Variants in CDR2 observed in about 807,000 individuals in gnomAD.
The protein encoded by CDR2 is cerebellar degeneration-related protein 2.
In CDR2, 34 loss-of-function variants were observed where a neutral mutation model predicts 48.4. That is an observed-to-expected ratio of 0.70 (90% CI 0.53 to 0.94). CDR2 has a LOEUF of 0.94. CDR2 is among the 40% of genes least tolerant of loss of function. The pLI, the probability that CDR2 is intolerant of heterozygous loss-of-function variation, is 0.00. For synonymous variants in CDR2, 240 were observed against 219.7 expected (o/e 1.09, Z -0.82); for missense variants, 498 against 549.5 (o/e 0.91, Z 0.94).
At chr16:22,348,783 G>A (rs1385773705) in intron 4 of CDR2, among the ~76,000 whole-genome samples, 1 of 152,152 alleles carries the variant, frequency 6.6e-6, no homozygotes, top group Non-Finnish European at 1.5e-5. Context: ...TTGCTTATCT[G>A]CCGTTCCGTT....
chr16:22,350,842 C>T (rs1402880297), intron 2 of CDR2, among the ~76,000 whole-genome samples: 1 of 152,076 alleles, frequency 6.6e-6, no homozygotes, highest in Non-Finnish European at 1.5e-5. Context: ...TAAGCAAAAA[C>T]ATCATGTTTA....
rs1237556804 is a variant in CDR2 at position 22,346,403 on chromosome 16, TC to T, written c.*561del. 6.5e-6 allele frequency: 1 copy of T among 153,880 alleles called. No individual in the cohort carries two copies. Among genetic ancestry groups the T allele is most frequent in the Non-Finnish European group, 1.5e-5 (1 of 68,956 alleles). The allele number at this position is 153,880 out of a possible 1,614,324, so 9.5% of individuals were successfully genotyped here. ...TGGATATATTAGGATTACCTGTCAG[TC>T]ACAGTTCAACTAGTTCAGATATAAC... On this transcript the variant is annotated 3_prime_UTR_variant, in exon 5 of 5. Coordinates refer to ENST00000268383, the MANE Select transcript of CDR2 (RefSeq NM_001802.2).
At chr16:22,352,578 C>G (rs2048949719) in intron 2 of CDR2, among the ~76,000 whole-genome samples, 1 of 152,084 alleles carries the variant, frequency 6.6e-6, no homozygotes. Flanking sequence ...ACCCTGTAAT[C>G]AAGCATTAAT....
In CDR2 at chr16:22,366,617, A is replaced by G. The variant is rs1445546260; in HGVS notation, c.80-1603T>C. The stretch of plus-strand genomic sequence containing the variant: ...GACTGAGTCATTAAGGAGGCTGAGG[A>G]GGGTGGAGCAGAATGTATTGGGCAG... On this transcript the variant is annotated intron_variant, in intron 1 of 4. Transcript: ENST00000268383. 1.3e-5 allele frequency among the ~76,000 whole-genome samples: 2 copies of G among 151,260 alleles called. 1 individual carries two copies.
intron 1 of CDR2, among the ~76,000 whole-genome samples, chr16:22,370,385 C>A (rs1279536054): frequency 1.3e-5 from 2 of 152,132 alleles, no homozygotes; most frequent in Non-Finnish European, 2.9e-5. Context: ...ACTCATCCTG[C>A]AATTTTAGGA....
At position 22,347,190 on chromosome 16, in the gene CDR2, C is replaced by G. The variant is rs778440024; in HGVS notation, c.1140G>C (p.Gln380His). ...GGTCCTTGGCTGCAGCCCTGGAGGTCTGCACAGCCTTGTGTGACAGGGAGT... is the reference window on the plus strand; with the variant it reads ...GGTCCTTGGCTGCAGCCCTGGAGGTGTGCACAGCCTTGTGTGACAGGGAGT... ...EQDSLSHKAV[Q>H]TSRAAAKDLT... is the part of the protein sequence containing the mutation. The change falls in exon 5 of 5, where the codon CAG becomes CAC. Residue 380 changes from glutamine to histidine, a missense_variant. Physicochemically the swap from Gln to His is conservative, Grantham distance 24. Coordinates refer to ENST00000268383, the MANE Select transcript of CDR2 (RefSeq NM_001802.2). 2 of 1,614,244 alleles carry G rather than the reference C, an allele frequency of 1.2e-6. No individual in the cohort carries two copies. The highest frequency in any genetic ancestry group is 1.7e-6 in the Non-Finnish European group (2 of 1,180,046).
At chr16:22,369,292 AAAAAAAAAAG>A (rs912728344) in intron 1 of CDR2, among the ~76,000 whole-genome samples, 17 of 145,584 alleles carry the variant, frequency 1.2e-4, no homozygotes, top group African/African-American at 3.9e-4. Context: ...AGCAGGAAAA[AAAAAAAAAAG>A]AAAAAAAACA....
At chr16:22,363,298 T>G (rs2049022971) in intron 2 of CDR2, among the ~76,000 whole-genome samples, 1 of 152,180 alleles carries the variant, frequency 6.6e-6, no homozygotes, top group Non-Finnish European at 1.5e-5. Flanking sequence ...TCTTTTGATG[T>G]AGAATATGCT....
At chr16:22,367,411 T>C (rs2049050783) in intron 1 of CDR2, among the ~76,000 whole-genome samples, 1 of 152,198 alleles carries the variant, frequency 6.6e-6, no homozygotes, top group Admixed American at 6.5e-5. Flanking sequence ...GAACTTGCCA[T>C]GAATTTGGCA....
chr16:22,347,812 T>C lies in CDR2; in HGVS notation c.518A>G (p.Tyr173Cys), dbSNP rs1305090085. 1 of 1,611,412 alleles carries C rather than the reference T, an allele frequency of 6.2e-7. No individual in the cohort carries two copies. The highest frequency in any genetic ancestry group is 8.5e-7 in the Non-Finnish European group (1 of 1,178,658). The stretch of plus-strand genomic sequence containing the variant: ...GATCTTCTCAGCGAACACATGATCA[T>C]ACACGAAGTGTCTAGGGAAAAAAAT... Reference protein sequence around the residue: ...ELYDLRQHFVYDHVFAEKITS... With the variant: ...ELYDLRQHFVCDHVFAEKITS... The change falls in exon 5 of 5, where the codon TAT becomes TGT. Residue 173 changes from tyrosine (Y) to cysteine (C), a missense_variant. Coordinates refer to ENST00000268383, the MANE Select transcript of CDR2 (RefSeq NM_001802.2).
intron 1 of CDR2, among the ~76,000 whole-genome samples, chr16:22,365,905 T>C (rs1380914754): frequency 1.3e-5 from 2 of 152,212 alleles, no homozygotes; most frequent in Non-Finnish European, 2.9e-5. Flanking sequence ...GTTCTATCAT[T>C]TACCAGAACA....
intron 2 of CDR2, among the ~76,000 whole-genome samples, chr16:22,354,959 T>A (rs190356077): frequency 2.0e-5 from 3 of 152,208 alleles, no homozygotes; most frequent in East Asian, 3.9e-4. Flanking sequence ...TGCAGAGAAA[T>A]GGTTTAATGA....
At position 22,364,756 on chromosome 16, in the gene CDR2, G is replaced by A. The variant is rs565695194; in HGVS notation, c.192+146C>T. 37 of 536,594 alleles carry A rather than the reference G, an allele frequency of 6.9e-5. No individual in the cohort carries two copies. In the East Asian group the frequency reaches 7.5e-4, roughly 11 times the overall value. The allele number at this position is 536,594 out of a possible 1,614,324, so 33.2% of individuals were successfully genotyped here. On this transcript the variant is annotated intron_variant, in intron 2 of 4. Coordinates refer to ENST00000268383, the MANE Select transcript of CDR2 (RefSeq NM_001802.2). Reference sequence around the variant, plus strand: ...CAGGCGCCTGTAATCCCAGCTACTCGGGAGGCGGTTCTCATTCTCAAAAAA... The same window carrying A: ...CAGGCGCCTGTAATCCCAGCTACTCAGGAGGCGGTTCTCATTCTCAAAAAA...
intron 1 of CDR2, among the ~76,000 whole-genome samples, chr16:22,372,714 TG>T (rs539904955): frequency 2.8e-4 from 43 of 152,332 alleles, no homozygotes; most frequent in African/African-American, 1.0e-3. Context: ...TGCCAAACAC[TG>T]CACTGCAACC....
rs369688051 is a variant in CDR2, at chr16:22,349,448, G to A, written c.342-5C>T. On this transcript the variant is annotated splice_polypyrimidine_tract_variant and splice_region_variant and intron_variant, in intron 3 of 4. Coordinates refer to ENST00000268383, the MANE Select transcript of CDR2 (RefSeq NM_001802.2). ...CATTCAATCGTTTCAGTCAGGCTGT[G>A]AGGAACAGACAGAAGCCACTGCTGC... 12 of 1,613,994 alleles carry A rather than the reference G, an allele frequency of 7.4e-6. No homozygotes were observed. Among genetic ancestry groups the A allele is most frequent in the Non-Finnish European group, 1.0e-5 (12 of 1,180,014 alleles).
At chr16:22,373,399 A>G (rs2049091724) in intron 1 of CDR2, among the ~76,000 whole-genome samples, 1 of 152,196 alleles carries the variant, frequency 6.6e-6, no homozygotes, top group Non-Finnish European at 1.5e-5. Flanking sequence ...CTTAACGCCC[A>G]ACTGAAAAAA....
Position 22,347,166 on chromosome 16 carries a change from G to A in CDR2, c.1164C>T (p.Asp388=). ...CAGACTGGGCGTTCACTCCAGTCAG[G>A]TCCTTGGCTGCAGCCCTGGAGGTCT... ...AVQTSRAAAK[D]LTGVNAQSEP... The change falls in exon 5 of 5, where the codon GAC becomes GAT. Residue 388 remains aspartate (D), a synonymous_variant. Transcript: ENST00000268383. The A allele has an allele frequency of 6.2e-7, 1 of 1,614,228 alleles. No homozygotes were observed. Among genetic ancestry groups the A allele is most frequent in the Non-Finnish European group, 8.5e-7 (1 of 1,180,042 alleles).
At chr16:22,355,658 T>C (rs2048970382) in intron 2 of CDR2, among the ~76,000 whole-genome samples, 1 of 152,224 alleles carries the variant, frequency 6.6e-6, no homozygotes, top group Non-Finnish European at 1.5e-5. Context: ...TTCATCTGAC[T>C]TCTGAGAAAT....
At chr16:22,372,988 G>A (rs2049088405) in intron 1 of CDR2, among the ~76,000 whole-genome samples, 1 of 152,178 alleles carries the variant, frequency 6.6e-6, no homozygotes, top group African/African-American at 2.4e-5. Context: ...CAGAATTGCA[G>A]AAACTGAAGA....
Sources: allele counts gnomAD v4.1 joint callset (sites outside exome capture counted in the v4.1 genomes callset), GRCh38; gene constraint gnomAD v4.1.1; transcripts MANE v1.5; gene names NCBI Gene and HGNC (gene_info 2026-07-23, HGNC 2026-07-21).